The following PCDHGA8 variants were observed in gnomAD, a reference collection of about 807,000 sequenced individuals.
PCDHGA8 encodes protocadherin gamma-A8.
A neutral mutation model predicts 59.2 loss-of-function variants in PCDHGA8; 45 were observed. The observed-to-expected ratio is 0.76, with a 90% CI of 0.60 to 0.98. The LOEUF is 0.98. Ranked by LOEUF, PCDHGA8 falls within the 50% of genes least tolerant of loss-of-function variation. The pLI is 0.00. For synonymous variants in PCDHGA8, 531 were observed against 519.0 expected, an observed-to-expected ratio of 1.02 and a Z score of -0.32; for missense variants, 1,257 against 1,196.2, an observed-to-expected ratio of 1.05 and a Z score of -0.75.
chr5:141,425,482 C>G (rs1257043728), intron 1 of PCDHGA8, among the ~76,000 whole-genome samples: 1 of 152,192 alleles, frequency 6.6e-6, no homozygotes, highest in East Asian at 1.9e-4. Flanking sequence ...CCTATGGCAA[C>G]CTACTAGGCT....
At chr5:141,424,080 C>T (rs2096798143) in intron 1 of PCDHGA8, 1 of 970,378 alleles carries the variant, frequency 1.0e-6, no homozygotes, top group Admixed American at 6.0e-5. Context: ...AGTTATATTC[C>T]ACCATTATTT....
chr5:141,495,545 A>G (rs1174346915), intron 2 of PCDHGA8, among the ~76,000 whole-genome samples: 3 of 151,824 alleles, frequency 2.0e-5, no homozygotes, highest in Non-Finnish European at 4.4e-5. Flanking sequence ...CTCAGTCTCT[A>G]TCTCGCTTTG....
At position 141,394,510 on chromosome 5, in the gene PCDHGA8, C is replaced by A. The variant is rs371348730; in HGVS notation, c.1697C>A (p.Ala566Asp). The A allele has an allele frequency of 3.1e-6, 5 of 1,614,216 alleles. No homozygotes were observed. Among genetic ancestry groups the A allele is most frequent in the Non-Finnish European group, 3.4e-6 (4 of 1,180,026 alleles). ...AACGCGCCCGAGATCCTGTACCCCG[C>A]CCTCCCCACAGACGGTTCCACTGGC... is the stretch of plus-strand genomic sequence containing the variant. Reference protein sequence around the residue: ...NDNAPEILYPALPTDGSTGVE... With the variant: ...NDNAPEILYPDLPTDGSTGVE... Residue 566 changes from alanine (A) to aspartate (D), a missense_variant, in exon 1 of 4, where the codon GCC (alanine) becomes GAC (aspartate). By Grantham distance (126) the Ala-to-Asp change is moderately radical (BLOSUM62 -2). Coordinates refer to ENST00000398604, the MANE Select transcript of PCDHGA8 (RefSeq NM_032088.2).
At chr5:141,411,227 G>A (rs1276536852) in intron 1 of PCDHGA8, 1 of 152,092 alleles carries the variant, frequency 6.6e-6, no homozygotes, top group Non-Finnish European at 1.5e-5. Context: ...TCAAATTTGC[G>A]AAGACTTAGT....
chr5:141,413,832 C>T, intron 1 of PCDHGA8: 1 of 1,613,228 alleles, frequency 6.2e-7, no homozygotes. Context: ...TCACCGCCTC[C>T]GACGGGGGTG....
chr5:141,422,061 A>G (rs1215523341), intron 1 of PCDHGA8: 3 of 1,612,074 alleles, frequency 1.9e-6, no homozygotes, highest in Non-Finnish European at 2.5e-6. Flanking sequence ...ACGGGGAAGT[A>G]ATGTATTCAT....
Position 141,493,554 on chromosome 5 carries a change from G to A in PCDHGA8, c.2425-1253G>A, listed in dbSNP as rs2099748882. The stretch of plus-strand genomic sequence containing the variant: ...GGCCAGTTATCCTTTTGGAGATTGA[G>A]TTCCCCCAGCTCCGTTTCCTCCTAT... On this transcript the variant is annotated intron_variant, in intron 1 of 3. Coordinates refer to ENST00000398604, the MANE Select transcript of PCDHGA8 (RefSeq NM_032088.2). The surrounding 1 kb of genome is among the most constrained non-coding windows in gnomAD (Gnocchi z 4.3). 6.6e-6 allele frequency among the ~76,000 whole-genome samples: 1 copy of A among 152,166 alleles called. No homozygotes were observed. Among genetic ancestry groups the A allele is most frequent in the Admixed American group, 6.5e-5 (1 of 15,282 alleles).
chr5:141,474,169 T>C (rs1268235616), intron 1 of PCDHGA8, among the ~76,000 whole-genome samples: 2 of 152,232 alleles, frequency 1.3e-5, no homozygotes, highest in Non-Finnish European at 2.9e-5. Context: ...GGCCTTATTA[T>C]TGAGAAAACT....
rs757880855 is a variant in PCDHGA8, at chr5:141,393,792, C to A, written c.979C>A (p.Leu327Ile). 6.2e-7 allele frequency: 1 copy of A among 1,613,908 alleles called. No homozygotes were observed. The highest frequency in any genetic ancestry group is 8.5e-7 in the Non-Finnish European group (1 of 1,179,880). Residue 327 changes from leucine (L) to isoleucine (I), a missense_variant, in exon 1 of 4, where the codon CTT (leucine) becomes ATT (isoleucine). By Grantham distance (5) the Leu-to-Ile change is conservative. Transcript: ENST00000398604. ...AATACAAGCCGAAGATGTGGGGGCA[C>A]TTCTGGGGAGGACCAAATTGCTCAT... is the stretch of plus-strand genomic sequence containing the variant. Reference protein sequence around the residue: ...MEIQAEDVGALLGRTKLLISV... With the variant: ...MEIQAEDVGAILGRTKLLISV...
rs1262043820 is a variant in PCDHGA8, at chr5:141,415,755, T to TTG, written c.2424+20519_2424+20520insGT. Reference sequence around the variant, plus strand: ...GTTTATTAAGGTTTTTTTTTTTTTTTTTTTTTTTTTTTTTTTTACTTTCTG... The same window carrying TTG: ...GTTTATTAAGGTTTTTTTTTTTTTTTTGTTTTTTTTTTTTTTTTTACTTTCTG... On this transcript the variant is annotated intron_variant, in intron 1 of 3. Transcript: ENST00000398604. 56 of 1,387,630 alleles carry TTG rather than the reference T, an allele frequency of 4.0e-5. No individual in the cohort carries two copies. The African/African-American group carries it at 7.5e-4, about 19-fold the overall frequency. The allele number at this position is 1,387,630 out of a possible 1,614,324, so 86.0% of individuals were successfully genotyped here. A position where few individuals can be genotyped will look rare whatever the true frequency, so the allele number is the denominator to read the frequency against.
chr5:141,476,837 G>A lies in PCDHGA8; in HGVS notation c.2425-17970G>A, dbSNP rs1160244271. 4 of 1,613,534 alleles carry A rather than the reference G, an allele frequency of 2.5e-6. No individual in the cohort carries two copies. The highest frequency in any genetic ancestry group is 3.4e-6 in the Non-Finnish European group (4 of 1,180,054). On this transcript the variant is annotated intron_variant, in intron 1 of 3. Coordinates refer to ENST00000398604, the MANE Select transcript of PCDHGA8 (RefSeq NM_032088.2). The surrounding 1 kb of genome is among the most constrained non-coding windows in gnomAD (Gnocchi z 7.6). Reference sequence around the variant, plus strand: ...CAAGGTGCTGGACGCGAATGACAATGCGCCTGTCTTCAACCAGTCCTTGTA... The same window carrying A: ...CAAGGTGCTGGACGCGAATGACAATACGCCTGTCTTCAACCAGTCCTTGTA...
In PCDHGA8 at chr5:141,432,460, C is replaced by T; in HGVS notation, c.2424+37223C>T. The T allele has an allele frequency of 6.2e-7, 1 of 1,614,208 alleles. No homozygotes were observed. The highest frequency in any genetic ancestry group is 8.5e-7 in the Non-Finnish European group (1 of 1,180,044). On this transcript the variant is annotated intron_variant, in intron 1 of 3. Transcript: ENST00000398604. This position sits in a 1 kb window ranked among gnomAD's most constrained non-coding sequence, Gnocchi z 6.0. ...CGCCCGAGATCCTGTACCCCGCCCTCCCCACGGACGGTTCCACTGGCGTGG... is the reference window on the plus strand; with the variant it reads ...CGCCCGAGATCCTGTACCCCGCCCTTCCCACGGACGGTTCCACTGGCGTGG...
chr5:141,468,832 C>G (rs530307522), intron 1 of PCDHGA8, among the ~76,000 whole-genome samples: 1 of 152,164 alleles, frequency 6.6e-6, no homozygotes, highest in South Asian at 2.1e-4. Flanking sequence ...AGCCACTGCA[C>G]TCCAGCCTGG....
intron 1 of PCDHGA8, chr5:141,399,381 C>T: frequency 1.2e-6 from 2 of 1,613,982 alleles, no homozygotes; most frequent in Non-Finnish European, 8.5e-7. Flanking sequence ...ATGTCACCAT[C>T]ACAGCCACAG....
In PCDHGA8 at chr5:141,480,033, C is replaced by G. The variant is rs370321166; in HGVS notation, c.2425-14774C>G. On this transcript the variant is annotated intron_variant, in intron 1 of 3. Coordinates refer to ENST00000398604, the MANE Select transcript of PCDHGA8 (RefSeq NM_032088.2). ...CTCAATCTCCTTTCTAAGCCTCTTC[C>G]TCATATGCAAAAAGGGAATAATAAG... is the stretch of plus-strand genomic sequence containing the variant. Among the ~76,000 whole-genome samples, 3 of 152,224 alleles carry G rather than the reference C, an allele frequency of 2.0e-5. No individual in the cohort carries two copies. The East Asian group carries it at 5.8e-4, about 29-fold the overall frequency.
chr5:141,414,376 T>G, intron 1 of PCDHGA8: 1 of 1,613,824 alleles, frequency 6.2e-7, no homozygotes, highest in Non-Finnish European at 8.5e-7. Flanking sequence ...ATTAGAAAAG[T>G]CCATTGACAG....
intron 1 of PCDHGA8, among the ~76,000 whole-genome samples, chr5:141,458,247 C>T (rs758242859): frequency 4.6e-5 from 7 of 152,100 alleles, no homozygotes; most frequent in South Asian, 2.1e-4. Flanking sequence ...CAAAATGATA[C>T]GGCTCTGATG....
At chr5:141,418,287 G>C in intron 1 of PCDHGA8, 1 of 1,614,020 alleles carries the variant, frequency 6.2e-7, no homozygotes, top group South Asian at 1.1e-5. Context: ...TTAGAAATCA[G>C]TGAATCCGTC....
At chr5:141,448,247 A>G (rs1449158776) in intron 1 of PCDHGA8, among the ~76,000 whole-genome samples, 1 of 152,104 alleles carries the variant, frequency 6.6e-6, no homozygotes, top group Non-Finnish European at 1.5e-5. Flanking sequence ...TTTGCACAAC[A>G]GGATCATTTT....
Sources: gnomAD v4.1 joint callset for allele counts (sites outside exome capture counted in the v4.1 genomes callset) on GRCh38, gnomAD v4.1.1 for gene constraint, Gnocchi (gnomAD v3.1) non-coding constraint, MANE v1.5 for transcripts, NCBI Gene and HGNC (gene_info 2026-07-23, HGNC 2026-07-21) for gene names.